The following IMMP2L variants were observed in gnomAD, a reference collection of about 807,000 sequenced individuals.
IMMP2L encodes the protein inner mitochondrial membrane peptidase subunit 2.
Under a neutral mutation model 19.3 loss-of-function variants are expected in IMMP2L, and 18 were observed. That is an observed-to-expected ratio of 0.93 (90% confidence interval 0.64 to 1.38). IMMP2L has a LOEUF of 1.38. IMMP2L is among the 40% of genes most tolerant of loss of function. The probability of loss-of-function intolerance (pLI) is 0.00; values close to 1 mark genes in which losing one functional copy is unlikely to be tolerated. For synonymous variants in IMMP2L, 76 were observed against 73.0 expected (o/e 1.04, Z -0.21); for missense variants, 233 against 218.2 (o/e 1.07, Z -0.43).
chr7:110,884,970 G>T (rs917511255), intron 5 of IMMP2L, among the ~76,000 whole-genome samples: 1 of 151,820 alleles, frequency 6.6e-6, no homozygotes, highest in Non-Finnish European at 1.5e-5. Context: ...AGTCAAAGTG[G>T]CTGCTCCATT....
intron 3 of IMMP2L, among the ~76,000 whole-genome samples, chr7:110,994,350 G>T (rs115503721): frequency 6.6e-6 from 1 of 151,972 alleles, no homozygotes; most frequent in African/African-American, 2.4e-5. Flanking sequence ...GTCTGCTCTC[G>T]TGTTCTTTTT....
chr7:111,516,519 G>A (rs544587699), intron 2 of IMMP2L, among the ~76,000 whole-genome samples: 2 of 152,176 alleles, frequency 1.3e-5, no homozygotes, highest in African/African-American at 4.8e-5. Flanking sequence ...TTTACAACAA[G>A]TTTTTAAAAA....
intron 5 of IMMP2L, among the ~76,000 whole-genome samples, chr7:110,669,024 AGTATGTGTGTGTGTGTGTGTGTGTGTGC>A (rs1460579576): frequency 0.014 from 326 of 22,704 alleles, 2 homozygotes; most frequent in Admixed American, 0.091. Flanking sequence ...CTGAACCAAC[AGTATGTGTGTGTGTGTGTGTGTGTGTGC>A]GTGTGTGTGT....
At chr7:111,455,124 GAAT>G (rs1300881834) in intron 3 of IMMP2L, among the ~76,000 whole-genome samples, 1 of 151,694 alleles carries the variant, frequency 6.6e-6, no homozygotes, top group Non-Finnish European at 1.5e-5. Context: ...GTAAGACACA[GAAT>G]AATACAAACA....
chr7:110,953,169 T>C (rs1216862155), intron 4 of IMMP2L, among the ~76,000 whole-genome samples: 1 of 152,176 alleles, frequency 6.6e-6, no homozygotes, highest in East Asian at 1.9e-4. Flanking sequence ...AACATTTTTC[T>C]AATCTTTTTT....
At chr7:111,411,390 G>A in intron 3 of IMMP2L, 1 of 472,868 alleles carries the variant, frequency 2.1e-6, no homozygotes, top group Admixed American at 2.2e-5. Flanking sequence ...TCAAAAAAAG[G>A]GGTCCCCGTG....
intron 3 of IMMP2L, among the ~76,000 whole-genome samples, chr7:111,312,386 T>A (rs973684916): frequency 1.3e-5 from 2 of 152,116 alleles, no homozygotes; most frequent in Admixed American, 6.6e-5. Context: ...ATTCAACTTG[T>A]ACTGTGATTC....
At chr7:111,469,997 GA>G (rs1339107210) in intron 3 of IMMP2L, among the ~76,000 whole-genome samples, 17 of 151,998 alleles carry the variant, frequency 1.1e-4, no homozygotes, top group African/African-American at 4.1e-4. Context: ...CTAATATCCA[GA>G]ATCTACAATG....
intron 3 of IMMP2L, among the ~76,000 whole-genome samples, chr7:111,388,289 T>C (rs1020262420): frequency 4.0e-5 from 6 of 151,722 alleles, no homozygotes; most frequent in African/African-American, 1.5e-4. Context: ...AAATTAAGTA[T>C]AAAAAGGGGA....
At chr7:111,324,363 G>A (rs1222284936) in intron 3 of IMMP2L, among the ~76,000 whole-genome samples, 1 of 151,792 alleles carries the variant, frequency 6.6e-6, no homozygotes, top group Non-Finnish European at 1.5e-5. Context: ...TGAAACATAG[G>A]TAAAATAAAA....
At chr7:111,315,004 G>T (rs978555293) in intron 3 of IMMP2L, among the ~76,000 whole-genome samples, 1 of 151,946 alleles carries the variant, frequency 6.6e-6, no homozygotes, top group South Asian at 2.1e-4. Context: ...AAAGTAAATC[G>T]GGAGGAAAAT....
intron 2 of IMMP2L, among the ~76,000 whole-genome samples, chr7:111,501,601 C>G (rs1384479623): frequency 1.3e-5 from 2 of 152,150 alleles, no homozygotes; most frequent in East Asian, 3.9e-4. Flanking sequence ...CAAAGGGAAG[C>G]CCATCAGACA....
intron 3 of IMMP2L, among the ~76,000 whole-genome samples, 197 bp from the exon 4 acceptor site, chr7:110,963,762 T>TG (rs920401811): frequency 4.0e-5 from 6 of 151,852 alleles, no homozygotes; most frequent in Admixed American, 6.6e-5. Context: ...AAATAAACTC[T>TG]GGGGGGGAAA....
chr7:111,238,791 TCAGA>T (rs919654723), intron 3 of IMMP2L, among the ~76,000 whole-genome samples: 3 of 151,958 alleles, frequency 2.0e-5, no homozygotes, highest in Admixed American at 2.0e-4. Flanking sequence ...AGTTTTGCAG[TCAGA>T]CAGACCTAGC....
chr7:110,873,609 CA>C (rs112177055), intron 5 of IMMP2L, among the ~76,000 whole-genome samples: 3,493 of 114,248 alleles, frequency 0.031, 131 homozygotes, highest in African/African-American at 0.092. Flanking sequence ...ACTAAAATTA[CA>C]AAAAAAAAAA....
intron 3 of IMMP2L, among the ~76,000 whole-genome samples, chr7:111,380,136 T>C (rs970200382): frequency 5.9e-5 from 9 of 151,954 alleles, no homozygotes; most frequent in Admixed American, 5.9e-4. Context: ...ATCTAAAAAA[T>C]TTGAAGGCAC....
At chr7:111,164,529 G>C (rs935443630) in intron 3 of IMMP2L, among the ~76,000 whole-genome samples, 1 of 152,000 alleles carries the variant, frequency 6.6e-6, no homozygotes, top group Non-Finnish European at 1.5e-5. Flanking sequence ...GGAATGGGAT[G>C]AAAGAGTGGA....
At chr7:111,069,424 CTGAG>C (rs1794770103) in intron 3 of IMMP2L, among the ~76,000 whole-genome samples, 1 of 152,104 alleles carries the variant, frequency 6.6e-6, no homozygotes, top group African/African-American at 2.4e-5. Context: ...AGAACTGAAA[CTGAG>C]TGAGTTTTTA....
At chr7:111,143,522 T>C (rs1803158507) in intron 3 of IMMP2L, among the ~76,000 whole-genome samples, 1 of 152,184 alleles carries the variant, frequency 6.6e-6, no homozygotes, top group Admixed American at 6.6e-5. Flanking sequence ...CAAACACATT[T>C]TTTAAAACTC....
Sources: gnomAD v4.1 joint callset for allele counts (sites outside exome capture counted in the v4.1 genomes callset) on GRCh38, gnomAD v4.1.1 for gene constraint, MANE v1.5 for transcripts, NCBI Gene and HGNC (gene_info 2026-07-23, HGNC 2026-07-21) for gene names.